Variants in EYS observed in about 807,000 individuals in gnomAD.
The protein encoded by EYS is EGF-like photoreceptor maintenance factor, also known as protein eyes shut homolog.
A neutral mutation model predicts 282.1 loss-of-function variants in EYS; 250 were observed. The ratio of observed to expected loss-of-function variants is 0.89; its 90% CI spans 0.80 to 0.98. The LOEUF is 0.98. Among genes scored for constraint, EYS ranks in the 50% least tolerant of loss-of-function variants. EYS has a pLI of 0.00. For synonymous variants in EYS, 1,355 were observed against 1,282.9 expected (o/e 1.06, Z -1.20); for missense variants, 4,016 against 3,709.0 (o/e 1.08, Z -2.15).
At chr6:64,109,515 T>C (rs1773137869) in intron 31 of EYS, among the ~76,000 whole-genome samples, 1 of 152,146 alleles carries the variant, frequency 6.6e-6, no homozygotes. Flanking sequence ...AATTATCAAG[T>C]TATCTCATGC....
At chr6:64,937,553 G>A (rs368979073) in intron 15 of EYS, among the ~76,000 whole-genome samples, 2 of 151,562 alleles carry the variant, frequency 1.3e-5, no homozygotes, top group East Asian at 3.9e-4. Flanking sequence ...TGTATTATTA[G>A]TCCTTAGGGA....
chr6:64,772,671 C>T (rs147333977), intron 22 of EYS, among the ~76,000 whole-genome samples: 1,708 of 151,972 alleles, frequency 0.011, 17 homozygotes, highest in Non-Finnish European at 0.014. Flanking sequence ...CACTACCCTT[C>T]CTAGTCTTTG....
chr6:65,497,952 A>T (rs985398191), intron 2 of EYS, among the ~76,000 whole-genome samples: 3 of 152,050 alleles, frequency 2.0e-5, no homozygotes, highest in African/African-American at 4.8e-5. Context: ...AAAAGAATTG[A>T]GACACTTGTG....
At chr6:65,138,854 G>A (rs1323464776) in intron 12 of EYS, among the ~76,000 whole-genome samples, 8 of 151,914 alleles carry the variant, frequency 5.3e-5, no homozygotes, top group Non-Finnish European at 7.4e-5. Context: ...ATCACTAATC[G>A]TTAGAGAAGT....
chr6:64,913,548 A>G (rs1002944614), intron 15 of EYS, among the ~76,000 whole-genome samples: 25 of 152,272 alleles, frequency 1.6e-4, no homozygotes, highest in South Asian at 1.4e-3. Context: ...TAAGGATAAT[A>G]GCCTCTAGCT....
intron 9 of EYS, among the ~76,000 whole-genome samples, chr6:65,352,388 A>C (rs1764316898): frequency 6.6e-6 from 1 of 151,938 alleles, no homozygotes; most frequent in African/African-American, 2.4e-5. Flanking sequence ...AAAGAATGAA[A>C]ATACCATATA....
chr6:65,154,909 A>C (rs191035248), intron 12 of EYS, among the ~76,000 whole-genome samples: 1 of 151,850 alleles, frequency 6.6e-6, no homozygotes, highest in African/African-American at 2.4e-5. Flanking sequence ...TCACATTATC[A>C]AAAAGTACAA....
intron 5 of EYS, among the ~76,000 whole-genome samples, chr6:65,485,297 T>C (rs1004350737): frequency 3.9e-5 from 6 of 152,242 alleles, no homozygotes; most frequent in African/African-American, 1.4e-4. Flanking sequence ...GTAAATATTT[T>C]AGAAGACTGT....
At position 64,971,299 on chromosome 6, in the gene EYS, GAA is replaced by G. The variant is rs70999181; in HGVS notation, c.2260-25387_2260-25386del. 1.9e-4 allele frequency among the ~76,000 whole-genome samples: 29 copies of G among 150,060 alleles called. 1 individual carries two copies. Among genetic ancestry groups the G allele is most frequent in the Non-Finnish European group, 2.2e-4 (15 of 67,462 alleles). On this transcript the variant is annotated intron_variant, in intron 14 of 42. Coordinates refer to ENST00000503581, the MANE Select transcript of EYS (RefSeq NM_001142800.2). ...ATGCAGATGAAAGTGTCCTATTCTA[GAA>G]AAAAAAAAAGCCACAAAGGACATTC...
At chr6:64,258,457 T>C (rs1767477484) in intron 30 of EYS, among the ~76,000 whole-genome samples, 1 of 152,036 alleles carries the variant, frequency 6.6e-6, no homozygotes, top group African/African-American at 2.4e-5. Context: ...CTTTGTGCTA[T>C]AGCATGTTAG....
intron 31 of EYS, among the ~76,000 whole-genome samples, chr6:64,197,490 T>C (rs932630810): frequency 6.6e-6 from 1 of 152,228 alleles, no homozygotes; most frequent in Admixed American, 6.5e-5. Context: ...GTGCTCTGTT[T>C]ATCTCTTTGA....
intron 22 of EYS, among the ~76,000 whole-genome samples, chr6:64,708,602 C>G (rs146306100): frequency 2.0e-5 from 3 of 152,176 alleles, no homozygotes; most frequent in Non-Finnish European, 4.4e-5. Context: ...GCGTAAATGA[C>G]AGATTTGTTA....
rs1163533009 is a variant in EYS, at chr6:64,018,759, G to GTTTTTTTTTTTT, written c.6726-19588_6726-19577dup. ...GAGTGTCCTGAATGTCATCACAAGT[G>GTTTTTTTTTTTT]TTTTTTTTTTTTTTTTTTTTTTTTT... On this transcript the variant is annotated intron_variant, in intron 33 of 42. Transcript: ENST00000503581. Among the ~76,000 whole-genome samples the GTTTTTTTTTTTT allele has an allele frequency of 4.3e-4, 23 of 53,890 alleles. 6 individuals carry two copies. Among genetic ancestry groups the GTTTTTTTTTTTT allele is most frequent in the African/African-American group, 1.4e-3 (18 of 13,314 alleles). 35.4% of individuals were successfully genotyped at this position (53,890 alleles called of 152,430 possible).
intron 35 of EYS, among the ~76,000 whole-genome samples, chr6:63,877,994 A>G (rs2149716519): frequency 6.6e-6 from 1 of 152,264 alleles, no homozygotes; most frequent in East Asian, 1.9e-4. Context: ...ATAATTCTCC[A>G]TCCAGCTTTG....
chr6:64,742,296 C>T (rs1772402438), intron 22 of EYS, among the ~76,000 whole-genome samples: 1 of 152,098 alleles, frequency 6.6e-6, no homozygotes, highest in Non-Finnish European at 1.5e-5. Context: ...ATGGGTGTGG[C>T]TTATGGCCCA....
chr6:64,942,720 T>TA (rs1167326115), intron 15 of EYS, among the ~76,000 whole-genome samples: 5 of 139,354 alleles, frequency 3.6e-5, no homozygotes, highest in African/African-American at 5.5e-5. Context: ...TCAGTAATTT[T>TA]AAAAAAACAA....
intron 33 of EYS, among the ~76,000 whole-genome samples, chr6:64,022,878 G>A (rs1354130142): frequency 1.3e-5 from 2 of 152,140 alleles, no homozygotes; most frequent in Admixed American, 1.3e-4. Flanking sequence ...TTTAGACATA[G>A]CAAAGACCAC....
At position 65,216,979 on chromosome 6, in the gene EYS, T is replaced by C. The variant is rs481365; in HGVS notation, c.2023+78884A>G. ...CATTTAAATGAGAATTGCTAGGTCA[T>C]ACTAATCAATTAATCAACCTCTCAA... On this transcript the variant is annotated intron_variant, in intron 12 of 42. Transcript: ENST00000503581. Among the ~76,000 whole-genome samples the C allele has an allele frequency of 3.5e-3, 531 of 152,178 alleles. 2 individuals are homozygous for C. Among genetic ancestry groups the C allele is most frequent in the Middle Eastern group, 0.014 (4 of 294 alleles).
At chr6:65,165,128 C>A (rs1581972287) in intron 12 of EYS, among the ~76,000 whole-genome samples, 1 of 150,530 alleles carries the variant, frequency 6.6e-6, no homozygotes, top group East Asian at 2.0e-4. Context: ...TTAATTGGTA[C>A]TTTTTTTTTC....
Sources: gnomAD v4.1 joint callset for allele counts (sites outside exome capture counted in the v4.1 genomes callset) on GRCh38, gnomAD v4.1.1 for gene constraint, MANE v1.5 for transcripts, NCBI Gene and HGNC (gene_info 2026-07-23, HGNC 2026-07-21) for gene names.